Variants in ZMYM2 observed in about 807,000 individuals in gnomAD.
The protein encoded by ZMYM2 is zinc finger MYM-type protein 2.
ZMYM2 carries 56 observed loss-of-function variants against 162.8 expected under a neutral mutation model. That is an observed-to-expected ratio of 0.34 (90% CI 0.28 to 0.43). ZMYM2 has a LOEUF of 0.43. Among genes scored for constraint, ZMYM2 ranks in the 20% least tolerant of loss-of-function variants. The probability of loss-of-function intolerance (pLI) is 1.00; values close to 1 mark genes in which losing one functional copy is unlikely to be tolerated. For synonymous variants in ZMYM2, 510 were observed against 541.6 expected (o/e 0.94, Z 0.81); for missense variants, 1,275 against 1,621.8 (o/e 0.79, Z 3.67).
the ZMYM2 span, among the ~76,000 whole-genome samples, chr13:19,885,918 CATATATATGTGTAT>C: frequency 6.3e-5 from 3 of 47,468 alleles, 1 homozygote; most frequent in Admixed American, 4.6e-4. Flanking sequence ...TGTATATACA[CATATATATGTGTAT>C]ACACATATAT....
intron 16 of ZMYM2, among the ~76,000 whole-genome samples, chr13:20,059,956 C>T (rs2140754566): frequency 6.6e-6 from 1 of 152,220 alleles, no homozygotes; most frequent in Middle Eastern, 3.4e-3. Flanking sequence ...ATTGCTTGAG[C>T]TTGGGAGATG....
chr13:19,921,123 A>G, the ZMYM2 span, among the ~76,000 whole-genome samples: 1 of 151,526 alleles, frequency 6.6e-6, no homozygotes, highest in East Asian at 2.0e-4. Context: ...TTCTTAGGTT[A>G]GATATTTATT....
At chr13:19,919,405 G>A in the ZMYM2 span, among the ~76,000 whole-genome samples, 2 of 152,108 alleles carry the variant, frequency 1.3e-5, no homozygotes, top group Non-Finnish European at 2.9e-5. Context: ...TATATTTAGT[G>A]TTTTAAGAAG....
intron 12 of ZMYM2, among the ~76,000 whole-genome samples, chr13:20,041,593 A>G (rs1315800879): frequency 6.6e-6 from 1 of 152,128 alleles, no homozygotes; most frequent in Non-Finnish European, 1.5e-5. Flanking sequence ...TGTCATCATG[A>G]TGTTAGCTGG....
chr13:20,026,743 A>G lies in ZMYM2; in HGVS notation c.1716A>G (p.Thr572=). 1 of 1,592,628 alleles carries G rather than the reference A, an allele frequency of 6.3e-7. No homozygotes were observed. Among genetic ancestry groups the G allele is most frequent in the Non-Finnish European group, 8.5e-7 (1 of 1,175,374 alleles). Residue 572 remains threonine (T), a synonymous_variant, in exon 8 of 25, where the codon ACA becomes ACG. Coordinates refer to ENST00000610343, the MANE Select transcript of ZMYM2 (RefSeq NM_197968.4). ...CTGCTTGTATGAACAGTCACAAGAC[A>G]AAATATGCAAAATCACAAAGTAAGT... ...CSTACMNSHK[T]KYAKSQSLGI... is the part of the protein sequence containing the mutation.
chr13:20,006,415 G>A lies in ZMYM2; in HGVS notation c.1341G>A (p.Leu447=). The change falls in exon 6 of 25, where the codon CTG becomes CTA. Residue 447 remains leucine, a synonymous_variant. Coordinates refer to ENST00000610343, the MANE Select transcript of ZMYM2 (RefSeq NM_197968.4). ...GCTTTAAAAATATGACTCATAAGCT[G>A]TGCAGTGACCACTGCTTTAATAGAT... ...EVSFKNMTHK[L]CSDHCFNRYR... The A allele has an allele frequency of 1.9e-6, 3 of 1,604,452 alleles. No individual in the cohort carries two copies. The highest frequency in any genetic ancestry group is 1.7e-6 in the Non-Finnish European group (2 of 1,174,962).
intron 2 of ZMYM2, among the ~76,000 whole-genome samples, chr13:19,981,606 A>C (rs548558583): frequency 6.6e-6 from 1 of 152,204 alleles, no homozygotes; most frequent in African/African-American, 2.4e-5. Flanking sequence ...AAGTTTCTGC[A>C]CTCATATTTT....
At chr13:19,936,670 T>C in the ZMYM2 span, among the ~76,000 whole-genome samples, 1 of 152,038 alleles carries the variant, frequency 6.6e-6, no homozygotes, top group South Asian at 2.1e-4. Flanking sequence ...TGCAGTGAGC[T>C]GAGATCACAC....
At chr13:19,888,827 G>C in the ZMYM2 span, among the ~76,000 whole-genome samples, 1 of 151,878 alleles carries the variant, frequency 6.6e-6, no homozygotes, top group Admixed American at 6.6e-5. Flanking sequence ...TCAAACTCCT[G>C]ACCTGGAGTG....
At chr13:19,895,259 A>T in the ZMYM2 span, among the ~76,000 whole-genome samples, 4 of 151,792 alleles carry the variant, frequency 2.6e-5, no homozygotes, top group Non-Finnish European at 5.9e-5. Flanking sequence ...TTCCTCCAAA[A>T]ATTACAAATA....
rs1281809459 is a variant in ZMYM2, at chr13:20,003,638, C to CT, written c.1133+516dup. Among the ~76,000 whole-genome samples the CT allele has an allele frequency of 1.9e-3, 276 of 141,746 alleles. No homozygotes were observed. In the East Asian group the frequency reaches 0.022, roughly 11 times the overall value. The allele number at this position is 141,746 out of a possible 152,430, so 93.0% of individuals were successfully genotyped here. ...GTTTTTTTCTTTTTCTTTTTCTTTT[C>CT]TTTTTTTTTTTTTAGGCAGAGTCTC... On this transcript the variant is annotated intron_variant, in intron 4 of 24. Transcript: ENST00000610343.
At chr13:19,864,441 C>G in the ZMYM2 span, 2 of 154,952 alleles carry the variant, frequency 1.3e-5, no homozygotes, top group African/African-American at 2.4e-5. Context: ...GGGAACAGCC[C>G]CAGCTGCCGG....
chr13:19,983,348 G>A (rs1186382666), intron 2 of ZMYM2, among the ~76,000 whole-genome samples: 2 of 152,038 alleles, frequency 1.3e-5, no homozygotes, highest in African/African-American at 4.8e-5. Context: ...GTTTTGCCGT[G>A]TTGGCCAGGC....
intron 14 of ZMYM2, among the ~76,000 whole-genome samples, chr13:20,054,345 A>C (rs1955617911): frequency 1.3e-5 from 2 of 152,244 alleles, no homozygotes; most frequent in African/African-American, 4.8e-5. Flanking sequence ...AAAGAACATA[A>C]ACTTTGACAT....
chr13:19,970,105 G>T, intron 2 of ZMYM2: 2 of 977,938 alleles, frequency 2.0e-6, no homozygotes, highest in African/African-American at 1.8e-5. Context: ...TACTCCATCT[G>T]TTTAAACATT....
the ZMYM2 span, among the ~76,000 whole-genome samples, chr13:19,875,313 G>C: frequency 6.6e-6 from 1 of 151,996 alleles, no homozygotes; most frequent in Non-Finnish European, 1.5e-5. Flanking sequence ...ATGTACCATG[G>C]AATATTATGC....
rs969418901 is a variant in ZMYM2 at position 20,006,282 on chromosome 13, T to C, written c.1300-92T>C. ...TTCCTTTTCTCCAAACAAGCCTTAT[T>C]AGGACATCTTTATTTCTGTTCAGAA... On this transcript the variant is annotated intron_variant, in intron 5 of 24. Transcript: ENST00000610343. 2.3e-6 allele frequency: 3 copies of C among 1,310,608 alleles called. No individual in the cohort carries two copies. In the African/African-American group the frequency reaches 4.5e-5, roughly 20 times the overall value. 81.2% of individuals were successfully genotyped at this position (1,310,608 alleles called of 1,614,324 possible). A position where few individuals can be genotyped will look rare whatever the true frequency, so the allele number is the denominator to read the frequency against.
the ZMYM2 span, among the ~76,000 whole-genome samples, chr13:19,921,439 C>T: frequency 6.6e-6 from 1 of 152,188 alleles, no homozygotes; most frequent in Admixed American, 6.6e-5. Context: ...GGCGCCCAAA[C>T]TTGTTTTTCT....
At chr13:19,955,364 TATG>T (rs1343672492), upstream of ZMYM2, among the ~76,000 whole-genome samples, 1 of 152,144 alleles carries the variant, frequency 6.6e-6, no homozygotes, top group Non-Finnish European at 1.5e-5. Context: ...TAAAAAACTC[TATG>T]AAAGAGGAAT....
Sources: gnomAD v4.1 joint callset for allele counts (sites outside exome capture counted in the v4.1 genomes callset) on GRCh38, gnomAD v4.1.1 for gene constraint, MANE v1.5 for transcripts, NCBI Gene and HGNC (gene_info 2026-07-23, HGNC 2026-07-21) for gene names.